The following C8orf74 variants were observed in gnomAD, a reference collection of about 807,000 sequenced individuals.
The protein encoded by C8orf74 is uncharacterized protein C8orf74.
C8orf74 carries 29 observed loss-of-function variants against 22.2 expected under a neutral mutation model. The observed-to-expected ratio is 1.31, with a 90% CI of 0.97 to 1.78. The LOEUF (loss-of-function observed/expected upper bound fraction) is 1.78, where lower values mean the gene tolerates loss of function less well. Ranked by LOEUF, C8orf74 falls within the 40% of genes most tolerant of loss-of-function variation. C8orf74 has a pLI of 0.00. For synonymous variants in C8orf74, 255 were observed against 163.1 expected (o/e 1.56, Z -4.30); for missense variants, 515 against 369.9 (o/e 1.39, Z -3.22).
intron 1 of C8orf74, among the ~76,000 whole-genome samples, chr8:10,674,167 C>A (rs4840504): frequency 0.74 from 92,123 of 124,142 alleles, 36,707 homozygotes; most frequent in East Asian, 0.93. Flanking sequence ...CCTGCAGCCC[C>A]CATATCACAG....
chr8:10,699,842 G>A (rs1016313689), intron 3 of C8orf74, among the ~76,000 whole-genome samples: 1 of 152,216 alleles, frequency 6.6e-6, no homozygotes, highest in Non-Finnish European at 1.5e-5. Context: ...TATGGCACTG[G>A]CCGATGGGCC....
chr8:10,689,606 T>A (rs577680217), intron 2 of C8orf74: 6 of 152,206 alleles, frequency 3.9e-5, no homozygotes, highest in African/African-American at 1.4e-4. Context: ...TGAAAACCCA[T>A]GTGTAACTTT....
chr8:10,682,828 T>A (rs578041684), intron 2 of C8orf74, among the ~76,000 whole-genome samples: 2 of 152,366 alleles, frequency 1.3e-5, no homozygotes, highest in South Asian at 4.1e-4. Context: ...CGCAAGAGAC[T>A]ATCCGTCCCA....
Position 10,674,841 on chromosome 8 carries a change from A to G in C8orf74, c.241+3A>G. The G allele has an allele frequency of 6.3e-7, 1 of 1,594,116 alleles. No homozygotes were observed. The highest frequency in any genetic ancestry group is 8.5e-7 in the Non-Finnish European group (1 of 1,170,160). On this transcript the variant is annotated splice_donor_region_variant and intron_variant, in intron 2 of 3. Transcript: ENST00000304519. ...AGAGCTGCTAAGGGAAACCAAAGGT[A>G]TGGTGTGTCCAGGGCAGGAGTCAGC...
intron 2 of C8orf74, chr8:10,687,145 C>T (rs746984052): frequency 1.0e-4 from 47 of 456,220 alleles, no homozygotes; most frequent in African/African-American, 8.6e-4. Flanking sequence ...CTGATGATGG[C>T]AATGACGGTG....
intron 2 of C8orf74, among the ~76,000 whole-genome samples, chr8:10,696,019 A>C (rs1371252995): frequency 6.6e-6 from 1 of 151,636 alleles, no homozygotes; most frequent in Non-Finnish European, 1.5e-5. Context: ...GTCTGCGAGA[A>C]CCCAGGTCTC....
chr8:10,682,541 C>T (rs1036980076), intron 2 of C8orf74, among the ~76,000 whole-genome samples: 1 of 152,178 alleles, frequency 6.6e-6, no homozygotes, highest in Non-Finnish European at 1.5e-5. Context: ...TGTTCCCTGG[C>T]GTCTCTGTGT....
At chr8:10,675,778 C>G (rs780011774) in intron 2 of C8orf74, 2 of 152,208 alleles carry the variant, frequency 1.3e-5, no homozygotes, top group Non-Finnish European at 2.9e-5. Context: ...AAAGTAGGAC[C>G]ATGGCTCAAA....
At chr8:10,678,387 G>C (rs908023921) in intron 2 of C8orf74, among the ~76,000 whole-genome samples, 1 of 152,132 alleles carries the variant, frequency 6.6e-6, no homozygotes, top group Admixed American at 6.5e-5. Context: ...ATTTTTAGGA[G>C]ACACAAGGAC....
intron 2 of C8orf74, 67 bp downstream of exon 2, chr8:10,674,905 C>A: frequency 7.3e-7 from 1 of 1,361,744 alleles, no homozygotes; most frequent in South Asian, 1.4e-5. Context: ...ATAGAACTCC[C>A]CTGCCGTCCA....
chr8:10,698,031 G>T (rs755067036), intron 3 of C8orf74, 26 bp downstream of exon 3: 2 of 1,446,588 alleles, frequency 1.4e-6, no homozygotes, highest in Non-Finnish European at 1.8e-6. Context: ...CCTGCCGTGG[G>T]TGGGCACCTG....
intron 3 of C8orf74, among the ~76,000 whole-genome samples, chr8:10,699,375 ATGT>A (rs949240771): frequency 2.0e-5 from 3 of 152,180 alleles, no homozygotes; most frequent in South Asian, 4.1e-4. Context: ...TTCCCCAATA[ATGT>A]TGTTTTCTAC....
At chr8:10,685,760 G>C (rs1035941055) in intron 2 of C8orf74, among the ~76,000 whole-genome samples, 4 of 152,214 alleles carry the variant, frequency 2.6e-5, no homozygotes, top group South Asian at 2.1e-4. Flanking sequence ...TAATGCCATA[G>C]ACTATAAACT....
chr8:10,677,744 T>A (rs2129056330), intron 2 of C8orf74, among the ~76,000 whole-genome samples: 1 of 152,208 alleles, frequency 6.6e-6, no homozygotes, highest in Non-Finnish European at 1.5e-5. Context: ...GGTGAGGTGG[T>A]CAGGGATGTA....
chr8:10,687,390 A>G, intron 2 of C8orf74: 1 of 257,078 alleles, frequency 3.9e-6, no homozygotes, highest in Non-Finnish European at 7.8e-6. Flanking sequence ...TGGCTAACAC[A>G]TGTAATCCCG....
Position 10,700,455 on chromosome 8 carries a change from C to G in C8orf74, c.869C>G (p.Ala290Gly). ...KPQRASKGKKAKARK is the reference protein window; with the variant it reads ...KPQRASKGKKGKARK ...CAAAGAGCGAGCAAAGGAAAGAAAGCGAAGGCAAGGAAGTAGAAGGTCCCG... is the reference window on the plus strand; with the variant it reads ...CAAAGAGCGAGCAAAGGAAAGAAAGGGAAGGCAAGGAAGTAGAAGGTCCCG... The change falls in exon 4 of 4, where the codon GCG (alanine) becomes GGG (glycine). Residue 290 changes from alanine (A) to glycine (G), a missense_variant. Physicochemically the swap from Ala to Gly is moderately conservative, Grantham distance 60. Coordinates refer to ENST00000304519, the MANE Select transcript of C8orf74 (RefSeq NM_001040032.2). 1 of 1,588,690 alleles carries G rather than the reference C, an allele frequency of 6.3e-7. No individual in the cohort carries two copies. The highest frequency in any genetic ancestry group is 8.6e-7 in the Non-Finnish European group (1 of 1,167,498).
At chr8:10,680,775 G>A (rs185523773) in intron 2 of C8orf74, among the ~76,000 whole-genome samples, 1 of 152,188 alleles carries the variant, frequency 6.6e-6, no homozygotes, top group Non-Finnish European at 1.5e-5. Context: ...GGGGGCCCAG[G>A]CGGCCAGGGG....
At chr8:10,674,958 T>C in intron 2 of C8orf74, 120 bp downstream of exon 2, 2 of 755,956 alleles carry the variant, frequency 2.6e-6, no homozygotes, top group Non-Finnish European at 4.2e-6. Flanking sequence ...CTTCCTGCCC[T>C]TCCCTGGCAT....
At chr8:10,685,186 T>C (rs1276275469) in intron 2 of C8orf74, among the ~76,000 whole-genome samples, 1 of 152,234 alleles carries the variant, frequency 6.6e-6, no homozygotes, top group African/African-American at 2.4e-5. Context: ...GACTACTGTA[T>C]CTTATCAAAC....
Sources: allele counts gnomAD v4.1 joint callset (sites outside exome capture counted in the v4.1 genomes callset), GRCh38; gene constraint gnomAD v4.1.1; transcripts MANE v1.5; gene names NCBI Gene and HGNC (gene_info 2026-07-23, HGNC 2026-07-21).